The following TMC1 variants were observed in gnomAD, a reference collection of about 807,000 sequenced individuals.
TMC1 encodes the protein transmembrane channel like 1.
Under a neutral mutation model 105.8 loss-of-function variants are expected in TMC1, and 84 were observed. The ratio of observed to expected loss-of-function variants is 0.79; its 90% CI spans 0.67 to 0.95. TMC1 has a LOEUF of 0.95. Among genes scored for constraint, TMC1 ranks in the 40% least tolerant of loss-of-function variants. TMC1 has a pLI of 0.00. For missense variants in TMC1, 817 were observed against 914.1 expected (o/e 0.89, Z 1.37); for synonymous variants, 315 against 311.5 (o/e 1.01, Z -0.12).
intron 8 of TMC1, among the ~76,000 whole-genome samples, chr9:72,716,773 G>A (rs559263640): frequency 3.3e-5 from 5 of 152,110 alleles, no homozygotes; most frequent in Admixed American, 2.6e-4. Flanking sequence ...GGCGTGAATG[G>A]TTCTGTCTCA....
chr9:72,745,154 C>T (rs73647814), intron 10 of TMC1, among the ~76,000 whole-genome samples: 2,326 of 152,282 alleles, frequency 0.015, 69 homozygotes, highest in African/African-American at 0.052. Flanking sequence ...ATATTCACCA[C>T]ACCACCATTT....
chr9:72,727,446 G>A (rs1827142052), intron 8 of TMC1, among the ~76,000 whole-genome samples: 1 of 152,162 alleles, frequency 6.6e-6, no homozygotes, highest in South Asian at 2.1e-4. Context: ...AAGGGACAAT[G>A]AAAGAATAAT....
Position 72,806,506 on chromosome 9 carries a change from G to A in TMC1, c.1695+996G>A, listed in dbSNP as rs1828592331. On this transcript the variant is annotated intron_variant, in intron 18 of 23. Transcript: ENST00000297784. ...GGAGAGGCTCCTCATTTCTCAGACG[G>A]GGCGGCTGCCGGGCGGAGGGGCTCC... is the stretch of plus-strand genomic sequence containing the variant. 2.0e-5 allele frequency among the ~76,000 whole-genome samples: 3 copies of A among 150,460 alleles called. No individual in the cohort carries two copies. In the South Asian group the frequency reaches 6.3e-4, roughly 32 times the overall value.
intron 10 of TMC1, among the ~76,000 whole-genome samples, chr9:72,745,046 A>G (rs1397343656): frequency 1.3e-5 from 2 of 152,152 alleles, no homozygotes; most frequent in Non-Finnish European, 1.5e-5. Context: ...TTCTTTCCAT[A>G]TATAATTTAT....
intron 17 of TMC1, among the ~76,000 whole-genome samples, chr9:72,800,977 A>G (rs1014971420): frequency 1.3e-5 from 2 of 152,174 alleles, no homozygotes; most frequent in Non-Finnish European, 1.5e-5. Flanking sequence ...ATATGCCTCC[A>G]AAAATAGTAA....
chr9:72,837,064 C>G lies in TMC1; in HGVS notation c.*1091C>G, dbSNP rs371714960. On this transcript the variant is annotated 3_prime_UTR_variant, in exon 24 of 24. Coordinates refer to ENST00000297784, the MANE Select transcript of TMC1 (RefSeq NM_138691.3). ...TGGTTCTGGAGTTTGCATCTCTCCC[C>G]GCTTGATTTTTTTGGCGGATGGGCT... is the stretch of plus-strand genomic sequence containing the variant. 1 of 152,308 alleles carries G rather than the reference C, an allele frequency of 6.6e-6. No individual in the cohort carries two copies. Among genetic ancestry groups the G allele is most frequent in the Non-Finnish European group, 1.5e-5 (1 of 68,194 alleles). The allele number at this position is 152,308 out of a possible 1,614,324, so 9.4% of individuals were successfully genotyped here.
At chr9:72,676,995 C>T (rs1826213138) in intron 5 of TMC1, among the ~76,000 whole-genome samples, 1 of 152,014 alleles carries the variant, frequency 6.6e-6, no homozygotes, top group Admixed American at 6.6e-5. Flanking sequence ...AGGTCTTTTG[C>T]CTGTATTTCT....
At chr9:72,685,482 G>C (rs1196775298) in intron 5 of TMC1, among the ~76,000 whole-genome samples, 1 of 151,432 alleles carries the variant, frequency 6.6e-6, no homozygotes, top group African/African-American at 2.4e-5. Context: ...TCCTGACTCA[G>C]CCTCCTGAGT....
At position 72,600,700 on chromosome 9, in the gene TMC1, A is replaced by G. The variant is rs577140447; in HGVS notation, c.-305-15668A>G. ...GTAGAAATAAGCCAATTAAAAAAAG[A>G]AAAAAATTAAAATAAAAAATTAAAG... is the stretch of plus-strand genomic sequence containing the variant. On this transcript the variant is annotated intron_variant, in intron 2 of 23. Transcript: ENST00000297784. Among the ~76,000 whole-genome samples, 4 of 151,102 alleles carry G rather than the reference A, an allele frequency of 2.6e-5. No individual in the cohort carries two copies. In the East Asian group the frequency reaches 7.7e-4, roughly 29 times the overall value.
At chr9:72,814,269 G>C (rs1402248058) in intron 18 of TMC1, among the ~76,000 whole-genome samples, 1 of 152,142 alleles carries the variant, frequency 6.6e-6, no homozygotes, top group East Asian at 1.9e-4. Context: ...TGTGTTCTGT[G>C]ATCACACAGG....
intron 7 of TMC1, among the ~76,000 whole-genome samples, chr9:72,699,794 T>C (rs1826611157): frequency 6.6e-6 from 1 of 150,526 alleles, no homozygotes; most frequent in Admixed American, 6.6e-5. Context: ...CTGTCTCTAA[T>C]AAAAATACAA....
chr9:72,533,952 G>A (rs1823537893), intron 1 of TMC1, among the ~76,000 whole-genome samples: 1 of 152,062 alleles, frequency 6.6e-6, no homozygotes, highest in Non-Finnish European at 1.5e-5. Flanking sequence ...GGCCATCATG[G>A]TGAAACTCCA....
chr9:72,615,700 C>G (rs1825114215), intron 2 of TMC1, among the ~76,000 whole-genome samples: 1 of 152,046 alleles, frequency 6.6e-6, no homozygotes, highest in African/African-American at 2.4e-5. Flanking sequence ...TAGATACTCC[C>G]CAAATTCACA....
intron 2 of TMC1, among the ~76,000 whole-genome samples, chr9:72,587,668 A>G (rs1824576393): frequency 6.6e-6 from 1 of 152,218 alleles, no homozygotes; most frequent in Non-Finnish European, 1.5e-5. Context: ...TGAATTTTAA[A>G]AAGCTTCTGC....
Position 72,728,116 on chromosome 9 carries a change from A to T in TMC1, c.363-12003A>T, listed in dbSNP as rs534686788. Among the ~76,000 whole-genome samples, 3 of 152,264 alleles carry T rather than the reference A, an allele frequency of 2.0e-5. No individual in the cohort carries two copies. In the East Asian group the frequency reaches 5.8e-4, roughly 29 times the overall value. ...GAAAAACAAGCAGAAGTTTATTACC[A>T]TGTATATCCCTCTTATTCATGGGAG... On this transcript the variant is annotated intron_variant, in intron 8 of 23. Transcript: ENST00000297784.
chr9:72,664,349 G>A (rs981865948), intron 5 of TMC1, among the ~76,000 whole-genome samples: 1 of 152,158 alleles, frequency 6.6e-6, no homozygotes, highest in Non-Finnish European at 1.5e-5. Context: ...ATAAACAGGA[G>A]ACAGGGAAAT....
At chr9:72,568,328 T>C (rs1369606087) in intron 1 of TMC1, among the ~76,000 whole-genome samples, 1 of 152,202 alleles carries the variant, frequency 6.6e-6, no homozygotes, top group East Asian at 1.9e-4. Context: ...AAAATGTTTC[T>C]TACACTTTTG....
At chr9:72,663,093 C>T (rs915897730) in intron 5 of TMC1, among the ~76,000 whole-genome samples, 1 of 152,280 alleles carries the variant, frequency 6.6e-6, no homozygotes. Context: ...CCTGAAAATT[C>T]AGAGGGTAGG....
chr9:72,573,492 G>GA (rs1211427348), intron 1 of TMC1, among the ~76,000 whole-genome samples: 2 of 152,158 alleles, frequency 1.3e-5, no homozygotes, highest in African/African-American at 4.8e-5. Flanking sequence ...CGATGACCTG[G>GA]AATGAAGGAC....
Sources: gnomAD v4.1 joint callset for allele counts (sites outside exome capture counted in the v4.1 genomes callset) on GRCh38, gnomAD v4.1.1 for gene constraint, MANE v1.5 for transcripts, NCBI Gene and HGNC (gene_info 2026-07-23, HGNC 2026-07-21) for gene names.